The following CDH6 variants were observed in gnomAD, a reference collection of about 807,000 sequenced individuals.
CDH6 encodes cadherin-6.
Under a neutral mutation model 78.0 loss-of-function variants are expected in CDH6, and 31 were observed. The ratio of observed to expected loss-of-function variants is 0.40; its 90% CI spans 0.30 to 0.54. CDH6 has a LOEUF of 0.54. Ranked by LOEUF, CDH6 falls within the 20% of genes least tolerant of loss-of-function variation. The pLI, the probability that CDH6 is intolerant of heterozygous loss-of-function variation, is 0.56. For synonymous variants in CDH6, 376 were observed against 368.8 expected (o/e 1.02, Z -0.23); for missense variants, 724 against 975.9 (o/e 0.74, Z 3.44).
intron 2 of CDH6, among the ~76,000 whole-genome samples, chr5:31,293,611 T>C (rs1414197643): frequency 2.0e-5 from 3 of 152,142 alleles, no homozygotes; most frequent in Non-Finnish European, 4.4e-5. Flanking sequence ...GTGAAAGCTG[T>C]AGTGAAAAAT....
At chr5:31,211,091 GTGTGTT>G (rs1381018607) in intron 1 of CDH6, among the ~76,000 whole-genome samples, 5 of 152,108 alleles carry the variant, frequency 3.3e-5, no homozygotes, top group Non-Finnish European at 7.4e-5. Flanking sequence ...TGGGTTTTTG[GTGTGTT>G]TGTTTTGGGA....
At chr5:31,260,502 T>C (rs1330278469) in intron 1 of CDH6, among the ~76,000 whole-genome samples, 1 of 152,246 alleles carries the variant, frequency 6.6e-6, no homozygotes, top group East Asian at 1.9e-4. Flanking sequence ...AGTATTTCAC[T>C]TCAGCCCCCA....
chr5:31,320,306 A>AAATG (rs1192307858), intron 11 of CDH6, among the ~76,000 whole-genome samples: 3 of 152,226 alleles, frequency 2.0e-5, no homozygotes, highest in African/African-American at 7.2e-5. Context: ...GACCTTGAAT[A>AAATG]AATGCCTTTG....
chr5:31,316,134 T>A, intron 8 of CDH6, 74 bp from the exon 9 acceptor site: 1 of 1,490,702 alleles, frequency 6.7e-7, no homozygotes, highest in Non-Finnish European at 9.1e-7. Flanking sequence ...ATGAAGGAGT[T>A]GAGCGGATGT....
intron 6 of CDH6, among the ~76,000 whole-genome samples, chr5:31,302,821 AAAG>A: frequency 1.4e-5 from 2 of 147,524 alleles, no homozygotes; most frequent in Middle Eastern, 3.4e-3. Context: ...AGAAAGAAAG[AAAG>A]AAAGAAAGAA....
chr5:31,225,861 T>G (rs1741137938), intron 1 of CDH6, among the ~76,000 whole-genome samples: 1 of 152,288 alleles, frequency 6.6e-6, no homozygotes, highest in Middle Eastern at 3.4e-3. Flanking sequence ...CAGAGTATTG[T>G]GGATAAGGAA....
At chr5:31,321,567 GGGCTTAACACAT>G (rs1326624991) in intron 11 of CDH6, among the ~76,000 whole-genome samples, 1 of 152,036 alleles carries the variant, frequency 6.6e-6, no homozygotes, top group Non-Finnish European at 1.5e-5. Flanking sequence ...ACTTAGTACA[GGGCTTAACACAT>G]GGAAAGCTCT....
At chr5:31,316,404 C>A in intron 9 of CDH6, 75 bp downstream of exon 9, 1 of 1,321,212 alleles carries the variant, frequency 7.6e-7, no homozygotes, top group Non-Finnish European at 1.1e-6. Flanking sequence ...AGATGATTCA[C>A]AGAGCTGAAG....
rs970394153 is a variant in CDH6, at chr5:31,326,320, C to G, written c.*3012C>G. The G allele has an allele frequency of 4.6e-6, 1 of 216,404 alleles. No individual in the cohort carries two copies. The highest frequency in any genetic ancestry group is 9.3e-6 in the Non-Finnish European group (1 of 107,486). 13.4% of individuals were successfully genotyped at this position (216,404 alleles called of 1,614,324 possible). ...TTCCTTTAAACTACTAAGATATTCC[C>G]TAGAATAAGCTGAATTTAAAAAAAC... On this transcript the variant is annotated 3_prime_UTR_variant, in exon 12 of 12. Coordinates refer to ENST00000265071, the MANE Select transcript of CDH6 (RefSeq NM_004932.4).
chr5:31,317,315 C>A, intron 9 of CDH6, 60 bp from the exon 10 acceptor site: 1 of 804,486 alleles, frequency 1.2e-6, no homozygotes, highest in Non-Finnish European at 2.1e-6. Context: ...TATTGCAAAA[C>A]GGTAAGAAAC....
In CDH6 at chr5:31,323,380, T is replaced by C. The variant is rs931873907; in HGVS notation, c.*72T>C. 33 of 1,503,564 alleles carry C rather than the reference T, an allele frequency of 2.2e-5. No homozygotes were observed. Among genetic ancestry groups the C allele is most frequent in the Non-Finnish European group, 2.8e-5 (31 of 1,110,020 alleles). The allele number at this position is 1,503,564 out of a possible 1,614,324, so 93.1% of individuals were successfully genotyped here. A position where few individuals can be genotyped will look rare whatever the true frequency, so the allele number is the denominator to read the frequency against. Reference sequence around the variant, plus strand: ...TGGCTATTTCTTTATATTTATCCACTACTCCGTGAAGGCTTCTCTGTTCTA... The same window carrying C: ...TGGCTATTTCTTTATATTTATCCACCACTCCGTGAAGGCTTCTCTGTTCTA... On this transcript the variant is annotated 3_prime_UTR_variant, in exon 12 of 12. Coordinates refer to ENST00000265071, the MANE Select transcript of CDH6 (RefSeq NM_004932.4).
chr5:31,265,650 A>C (rs1478586645), intron 1 of CDH6, among the ~76,000 whole-genome samples: 2 of 152,164 alleles, frequency 1.3e-5, no homozygotes, highest in African/African-American at 4.8e-5. Context: ...CAGATTACCT[A>C]AAACATGTTC....
chr5:31,279,943 C>T (rs776088929), intron 2 of CDH6, among the ~76,000 whole-genome samples: 3 of 152,188 alleles, frequency 2.0e-5, no homozygotes, highest in Non-Finnish European at 4.4e-5. Context: ...TACCAATCCA[C>T]TTGCCTCTTA....
At chr5:31,274,492 A>G (rs1361013420) in intron 2 of CDH6, among the ~76,000 whole-genome samples, 1 of 152,216 alleles carries the variant, frequency 6.6e-6, no homozygotes, top group Non-Finnish European at 1.5e-5. Flanking sequence ...GTGGAATCCT[A>G]GAGCCTCCTG....
chr5:31,278,062 G>T (rs188347560), intron 2 of CDH6, among the ~76,000 whole-genome samples: 2 of 152,090 alleles, frequency 1.3e-5, no homozygotes, highest in Non-Finnish European at 2.9e-5. Flanking sequence ...CCAATTTTAA[G>T]TATACAGTAT....
At chr5:31,265,660 C>A (rs1212434238) in intron 1 of CDH6, among the ~76,000 whole-genome samples, 1 of 151,032 alleles carries the variant, frequency 6.6e-6, no homozygotes, top group African/African-American at 2.4e-5. Context: ...AAAACATGTT[C>A]TTGATCTGCA....
chr5:31,302,968 G>GAAA, intron 6 of CDH6, among the ~76,000 whole-genome samples: 1 of 119,092 alleles, frequency 8.4e-6, no homozygotes, highest in South Asian at 2.9e-4. Flanking sequence ...GGAAAGAAAA[G>GAAA]AAAGAAAGAA....
intron 2 of CDH6, among the ~76,000 whole-genome samples, chr5:31,272,127 T>A (rs928098253): frequency 1.3e-5 from 2 of 152,158 alleles, no homozygotes; most frequent in African/African-American, 2.4e-5. Context: ...GAACCCCATC[T>A]AAAGACAGAG....
chr5:31,211,185 A>G (rs1250913605), intron 1 of CDH6, among the ~76,000 whole-genome samples: 1 of 152,222 alleles, frequency 6.6e-6, no homozygotes, highest in Non-Finnish European at 1.5e-5. Flanking sequence ...TAACTAGCTG[A>G]AAGGAAAATA....
Sources: allele counts gnomAD v4.1 joint callset (sites outside exome capture counted in the v4.1 genomes callset), GRCh38; gene constraint gnomAD v4.1.1; transcripts MANE v1.5; gene names NCBI Gene and HGNC (gene_info 2026-07-23, HGNC 2026-07-21).